ARHGAP20: variants seen among roughly 807,000 people sequenced by gnomAD.
ARHGAP20 encodes the protein Rho GTPase activating protein 20.
In ARHGAP20, 34 loss-of-function variants were observed where a neutral mutation model predicts 73.7. That is an observed-to-expected ratio of 0.46 (90% CI 0.35 to 0.61). The LOEUF (loss-of-function observed/expected upper bound fraction) is 0.61. Among genes scored for constraint, ARHGAP20 ranks in the 20% least tolerant of loss-of-function variants. ARHGAP20 has a pLI of 0.00. For synonymous variants in ARHGAP20, 523 were observed against 518.2 expected (o/e 1.01, Z -0.13); for missense variants, 1,314 against 1,420.9 (o/e 0.92, Z 1.21).
In ARHGAP20 at chr11:110,648,256, T is replaced by C. The variant is rs1210569780; in HGVS notation, c.189-17464A>G. Among the ~76,000 whole-genome samples the C allele has an allele frequency of 2.2e-3, 292 of 130,472 alleles. 1 individual carries two copies. Among genetic ancestry groups the C allele is most frequent in the Admixed American group, 5.2e-3 (65 of 12,520 alleles). 85.6% of individuals were successfully genotyped at this position (130,472 alleles called of 152,430 possible). On this transcript the variant is annotated intron_variant, in intron 2 of 14. Transcript: ENST00000683387. ...ATATATGTAAATATATATATGTAAA[T>C]ATATATATGTAAATATATATATGCA...
chr11:110,640,548 T>C (rs1017382537), intron 2 of ARHGAP20, among the ~76,000 whole-genome samples: 2 of 152,010 alleles, frequency 1.3e-5, no homozygotes, highest in African/African-American at 2.4e-5. Flanking sequence ...TTTATGACTA[T>C]ATTGAACATC....
At position 110,659,219 on chromosome 11, in the gene ARHGAP20, CTGT is replaced by C. The variant is rs1949542682; in HGVS notation, c.189-28430_189-28428del. Among the ~76,000 whole-genome samples the C allele has an allele frequency of 2.2e-5, 3 of 139,422 alleles. No homozygotes were observed. In the East Asian group the frequency reaches 6.2e-4, roughly 29 times the overall value. 91.5% of individuals were successfully genotyped at this position (139,422 alleles called of 152,430 possible). A position where few individuals can be genotyped will look rare whatever the true frequency, so the allele number is the denominator to read the frequency against. On this transcript the variant is annotated intron_variant, in intron 2 of 14. Coordinates refer to ENST00000683387, the MANE Select transcript of ARHGAP20 (RefSeq NM_001384657.1). ...TATTTCTCCACATCCTCTCCAGCAC[CTGT>C]TGTTTCCTGACTTTTTAATGATTGC...
intron 2 of ARHGAP20, among the ~76,000 whole-genome samples, chr11:110,639,094 T>C (rs1272596645): frequency 6.6e-6 from 1 of 152,204 alleles, no homozygotes; most frequent in Non-Finnish European, 1.5e-5. Context: ...AGCATCTATA[T>C]GTACTGTCTA....
rs1949030198 is a variant in ARHGAP20, at chr11:110,639,234, C to T, written c.189-8442G>A. On this transcript the variant is annotated intron_variant, in intron 2 of 14. Coordinates refer to ENST00000683387, the MANE Select transcript of ARHGAP20 (RefSeq NM_001384657.1). The stretch of plus-strand genomic sequence containing the variant: ...CCGCAGCACACACTCATATTTTATT[C>T]GATACCCCCCCCCCACAAGAGTTTT... 5.9e-5 allele frequency among the ~76,000 whole-genome samples: 7 copies of T among 119,216 alleles called. No homozygotes were observed. In the South Asian group the frequency reaches 1.4e-3, roughly 23 times the overall value. The allele number at this position is 119,216 out of a possible 152,430, so 78.2% of individuals were successfully genotyped here. A position where few individuals can be genotyped will look rare whatever the true frequency, so the allele number is the denominator to read the frequency against.
chr11:110,623,608 T>C (rs541257378), intron 4 of ARHGAP20, among the ~76,000 whole-genome samples: 1 of 152,354 alleles, frequency 6.6e-6, no homozygotes, highest in African/African-American at 2.4e-5. Context: ...ATTAGTTTTA[T>C]TTGTATAATA....
chr11:110,644,561 T>C (rs1182486263), intron 2 of ARHGAP20, among the ~76,000 whole-genome samples: 2 of 152,138 alleles, frequency 1.3e-5, no homozygotes, highest in Non-Finnish European at 2.9e-5. Flanking sequence ...AAAGACTCCC[T>C]ATTCAATAAA....
chr11:110,704,288 C>T (rs142616085), intron 1 of ARHGAP20, among the ~76,000 whole-genome samples: 38 of 152,258 alleles, frequency 2.5e-4, no homozygotes, highest in African/African-American at 8.7e-4. Context: ...AAGCAAAAGG[C>T]CACAGAGCAG....
intron 2 of ARHGAP20, among the ~76,000 whole-genome samples, chr11:110,651,364 T>C (rs1214485553): frequency 6.6e-6 from 1 of 151,312 alleles, no homozygotes; most frequent in Non-Finnish European, 1.5e-5. Flanking sequence ...AAACAAGAAA[T>C]AACTAAGATC....
At chr11:110,589,223 T>A (rs1947756428) in intron 11 of ARHGAP20, among the ~76,000 whole-genome samples, 1 of 152,232 alleles carries the variant, frequency 6.6e-6, no homozygotes, top group Admixed American at 6.5e-5. Flanking sequence ...CATATACATA[T>A]TTTTATTGTG....
chr11:110,593,853 G>A (rs1466605647), intron 9 of ARHGAP20, among the ~76,000 whole-genome samples: 1 of 152,228 alleles, frequency 6.6e-6, no homozygotes, highest in Non-Finnish European at 1.5e-5. Flanking sequence ...ATAATGCCTA[G>A]GCAGTACCCA....
chr11:110,614,480 C>G lies in ARHGAP20; in HGVS notation c.630+81G>C. ...CATACACAGTTAGCCTGCCTGCCTGCCTGCTCTCTCTCTTCTTATCCGTAG... is the reference window on the plus strand; with the variant it reads ...CATACACAGTTAGCCTGCCTGCCTGGCTGCTCTCTCTCTTCTTATCCGTAG... On this transcript the variant is annotated intron_variant, in intron 6 of 14. Transcript: ENST00000683387. The G allele has an allele frequency of 1.5e-6, 2 of 1,309,920 alleles. 1 individual carries two copies. Among genetic ancestry groups the G allele is most frequent in the South Asian group, 2.6e-5 (2 of 77,368 alleles). 81.1% of individuals were successfully genotyped at this position (1,309,920 alleles called of 1,614,324 possible). A position where few individuals can be genotyped will look rare whatever the true frequency, so the allele number is the denominator to read the frequency against.
At chr11:110,692,734 T>C (rs1950267060) in intron 1 of ARHGAP20, among the ~76,000 whole-genome samples, 1 of 152,030 alleles carries the variant, frequency 6.6e-6, no homozygotes, top group African/African-American at 2.4e-5. Flanking sequence ...TGATCTGAGA[T>C]TCTTCATTTA....
At chr11:110,618,732 C>G (rs1270044119) in intron 4 of ARHGAP20, among the ~76,000 whole-genome samples, 1 of 125,726 alleles carries the variant, frequency 8.0e-6, no homozygotes, top group East Asian at 2.4e-4. Context: ...AGAGTGTATG[C>G]AGTGATAGAG....
In ARHGAP20 at chr11:110,701,025, T is replaced by C. The variant is rs976283815; in HGVS notation, c.106-10396A>G. On this transcript the variant is annotated intron_variant, in intron 1 of 14. Transcript: ENST00000683387. ...TTGGGTTGGTTCCAAGTCTTTGCTATTGTGAATAATGCCACAATAAACATA... is the reference window on the plus strand; with the variant it reads ...TTGGGTTGGTTCCAAGTCTTTGCTACTGTGAATAATGCCACAATAAACATA... Among the ~76,000 whole-genome samples the C allele has an allele frequency of 2.1e-4, 32 of 151,524 alleles. 1 individual carries two copies. Among genetic ancestry groups the C allele is most frequent in the African/African-American group, 7.8e-4 (32 of 41,262 alleles).
intron 2 of ARHGAP20, among the ~76,000 whole-genome samples, chr11:110,675,606 A>C (rs1040079363): frequency 6.6e-6 from 1 of 152,168 alleles, no homozygotes; most frequent in Non-Finnish European, 1.5e-5. Context: ...CCACATGCAC[A>C]GTTCACAGTA....
At chr11:110,676,138 A>G (rs969392605) in intron 2 of ARHGAP20, among the ~76,000 whole-genome samples, 1 of 152,242 alleles carries the variant, frequency 6.6e-6, no homozygotes, top group Non-Finnish European at 1.5e-5. Flanking sequence ...AATTGTATAC[A>G]CTTTCAGCAT....
chr11:110,656,829 T>C (rs1949478219), intron 2 of ARHGAP20, among the ~76,000 whole-genome samples: 1 of 152,200 alleles, frequency 6.6e-6, no homozygotes, highest in East Asian at 1.9e-4. Context: ...GAATGTCAAC[T>C]CTGTGTTCTG....
Position 110,614,738 on chromosome 11 carries a change from TC to T in ARHGAP20, c.546-94del, listed in dbSNP as rs1261013859. 3 of 805,344 alleles carry T rather than the reference TC, an allele frequency of 3.7e-6. No individual in the cohort carries two copies. In the Admixed American group the frequency reaches 8.3e-5, roughly 22 times the overall value. 49.9% of individuals were successfully genotyped at this position (805,344 alleles called of 1,614,324 possible). On this transcript the variant is annotated intron_variant, in intron 5 of 14. Coordinates refer to ENST00000683387, the MANE Select transcript of ARHGAP20 (RefSeq NM_001384657.1). ...AAAATCAATTTATTTTGCTAATATT[TC>T]CAATATACTTATATGCTATTTTTAA...
chr11:110,685,878 T>C (rs1416242111), intron 2 of ARHGAP20, among the ~76,000 whole-genome samples: 1 of 152,150 alleles, frequency 6.6e-6, no homozygotes, highest in Non-Finnish European at 1.5e-5. Flanking sequence ...ACAAATCTTT[T>C]GCAGTCTAGT....
Sources: allele counts gnomAD v4.1 joint callset (sites outside exome capture counted in the v4.1 genomes callset), GRCh38; gene constraint gnomAD v4.1.1; transcripts MANE v1.5; gene names NCBI Gene and HGNC (gene_info 2026-07-23, HGNC 2026-07-21).